PRKCE: variants seen among roughly 807,000 people sequenced by gnomAD.
The protein encoded by PRKCE is protein kinase C epsilon, also known as protein kinase C epsilon type.
A neutral mutation model predicts 85.4 loss-of-function variants in PRKCE; 16 were observed. That is an observed-to-expected ratio of 0.19 (90% CI 0.13 to 0.28). The LOEUF (loss-of-function observed/expected upper bound fraction) is 0.28. Among genes scored for constraint, PRKCE ranks in the 10% least tolerant of loss-of-function variants. The pLI is 1.00. For synonymous variants in PRKCE, 388 were observed against 371.5 expected, an observed-to-expected ratio of 1.04 and a Z score of -0.51; for missense variants, 573 against 975.2, an observed-to-expected ratio of 0.59 and a Z score of 5.49.
chr2:46,187,562 TCTCA>T lies in PRKCE; in HGVS notation c.*2682_*2685del, dbSNP rs1316667399. On this transcript the variant is annotated 3_prime_UTR_variant, in exon 15 of 15. Coordinates refer to ENST00000306156, the MANE Select transcript of PRKCE (RefSeq NM_005400.3). ...CACCCCCTTTCTCTTTCTCTCTCTC[TCTCA>T]AAGAAAAAAAAAATGGGAGTGCAAA... 6.7e-6 allele frequency: 1 copy of T among 149,918 alleles called. No individual in the cohort carries two copies. Among genetic ancestry groups the T allele is most frequent in the Non-Finnish European group, 1.5e-5 (1 of 67,818 alleles). The allele number at this position is 149,918 out of a possible 1,614,324, so 9.3% of individuals were successfully genotyped here. A position where few individuals can be genotyped will look rare whatever the true frequency, so the allele number is the denominator to read the frequency against.
At chr2:45,742,436 A>T (rs1428093269) in intron 1 of PRKCE, among the ~76,000 whole-genome samples, 1 of 118,426 alleles carries the variant, frequency 8.4e-6, no homozygotes, top group Non-Finnish European at 1.9e-5. Flanking sequence ...ATCTCTAAAA[A>T]GAAAAAAAAA....
chr2:46,121,950 C>T (rs565589538), intron 11 of PRKCE, among the ~76,000 whole-genome samples: 1 of 152,302 alleles, frequency 6.6e-6, no homozygotes, highest in East Asian at 1.9e-4. Flanking sequence ...CAGTATTCTT[C>T]TCTTTTTTTC....
At chr2:45,684,417 G>A (rs1227402258) in intron 1 of PRKCE, among the ~76,000 whole-genome samples, 1 of 152,202 alleles carries the variant, frequency 6.6e-6, no homozygotes, top group Non-Finnish European at 1.5e-5. Context: ...CTAAGGCTGG[G>A]CTTTCAGATA....
chr2:45,914,541 A>T (rs1697619171), intron 2 of PRKCE, among the ~76,000 whole-genome samples: 3 of 152,210 alleles, frequency 2.0e-5, no homozygotes, highest in Non-Finnish European at 2.9e-5. Flanking sequence ...TTTGGGAACC[A>T]GTCCCTACCT....
chr2:45,925,516 G>A lies in PRKCE; in HGVS notation c.413-50913G>A, dbSNP rs564827660. Among the ~76,000 whole-genome samples the A allele has an allele frequency of 8.5e-5, 13 of 152,150 alleles. No homozygotes were observed. In the South Asian group the frequency reaches 1.0e-3, roughly 12 times the overall value. On this transcript the variant is annotated intron_variant, in intron 2 of 14. Coordinates refer to ENST00000306156, the MANE Select transcript of PRKCE (RefSeq NM_005400.3). ...TCACCATGTTGGCCAGGGTGGTCTC[G>A]AACTCCTGACCTCAGGTGATCCACC...
At chr2:45,708,893 G>A (rs914576095) in intron 1 of PRKCE, among the ~76,000 whole-genome samples, 1 of 152,210 alleles carries the variant, frequency 6.6e-6, no homozygotes, top group Non-Finnish European at 1.5e-5. Context: ...GAAGAGGGAA[G>A]GAGCCTGACT....
At chr2:45,892,283 T>C (rs1389245492) in intron 2 of PRKCE, among the ~76,000 whole-genome samples, 1 of 152,234 alleles carries the variant, frequency 6.6e-6, no homozygotes, top group Non-Finnish European at 1.5e-5. Context: ...TCATGTCCCA[T>C]GCCTGTCCAC....
chr2:45,754,621 A>G (rs1683852576), intron 1 of PRKCE, among the ~76,000 whole-genome samples: 1 of 152,188 alleles, frequency 6.6e-6, no homozygotes, highest in Non-Finnish European at 1.5e-5. Context: ...AAATATTGAT[A>G]TGCTGTGCCT....
chr2:45,794,518 C>T (rs573819237), intron 1 of PRKCE, among the ~76,000 whole-genome samples: 20 of 152,252 alleles, frequency 1.3e-4, no homozygotes, highest in African/African-American at 3.1e-4. Context: ...TATTCTAGCA[C>T]GGACCCTGAT....
chr2:45,792,113 T>A (rs1192405522), intron 1 of PRKCE, among the ~76,000 whole-genome samples: 1 of 152,148 alleles, frequency 6.6e-6, no homozygotes, highest in Non-Finnish European at 1.5e-5. Context: ...GGTGCTGGCA[T>A]CTGCTTGGCA....
chr2:45,672,313 T>C (rs2103841090), intron 1 of PRKCE, among the ~76,000 whole-genome samples: 2 of 151,970 alleles, frequency 1.3e-5, no homozygotes, highest in Middle Eastern at 6.8e-3. Context: ...TCTATATCCA[T>C]CCATCCATCC....
intron 1 of PRKCE, among the ~76,000 whole-genome samples, chr2:45,664,784 C>G (rs1438672547): frequency 6.6e-6 from 1 of 152,216 alleles, no homozygotes; most frequent in Non-Finnish European, 1.5e-5. Flanking sequence ...TCTGCATTAG[C>G]TTGTGGGCCT....
At chr2:46,124,815 G>A (rs1386302226) in intron 11 of PRKCE, among the ~76,000 whole-genome samples, 2 of 152,128 alleles carry the variant, frequency 1.3e-5, no homozygotes, top group Non-Finnish European at 2.9e-5. Flanking sequence ...TAAGGATGAT[G>A]GTGCTGTATG....
chr2:45,859,294 G>T (rs1441250754), intron 2 of PRKCE, among the ~76,000 whole-genome samples: 1 of 151,784 alleles, frequency 6.6e-6, no homozygotes, highest in Non-Finnish European at 1.5e-5. Flanking sequence ...TATATTATGG[G>T]GGTGTCCTTG....
chr2:45,862,652 A>AC (rs995912268), intron 2 of PRKCE, among the ~76,000 whole-genome samples: 5 of 152,240 alleles, frequency 3.3e-5, no homozygotes, highest in South Asian at 2.1e-4. Context: ...TTGCCAAGTT[A>AC]CCCTACAGAT....
At chr2:45,819,890 C>T (rs58415998) in intron 1 of PRKCE, among the ~76,000 whole-genome samples, 6,422 of 152,258 alleles carry the variant, frequency 0.042, 204 homozygotes, top group East Asian at 0.11. Flanking sequence ...GGGAAACAAT[C>T]GCATCAAGCT....
intron 2 of PRKCE, among the ~76,000 whole-genome samples, chr2:45,953,961 T>A (rs962009197): frequency 6.6e-6 from 1 of 152,226 alleles, no homozygotes. Context: ...TCACAAAAGC[T>A]GTCTATTTTC....
chr2:46,091,347 C>T (rs1489950881), intron 11 of PRKCE, among the ~76,000 whole-genome samples: 1 of 152,204 alleles, frequency 6.6e-6, no homozygotes, highest in Non-Finnish European at 1.5e-5. Context: ...ACATGCTGCT[C>T]AGTGCTTATG....
At chr2:45,918,936 G>A (rs549375586) in intron 2 of PRKCE, among the ~76,000 whole-genome samples, 1 of 152,344 alleles carries the variant, frequency 6.6e-6, no homozygotes, top group East Asian at 1.9e-4. Flanking sequence ...CCCCTTTGCT[G>A]TCACACACCC....
Sources: allele counts gnomAD v4.1 joint callset (sites outside exome capture counted in the v4.1 genomes callset), GRCh38; gene constraint gnomAD v4.1.1; transcripts MANE v1.5; gene names NCBI Gene and HGNC (gene_info 2026-07-23, HGNC 2026-07-21).